The following HEATR1 variants were observed in gnomAD, a reference collection of about 807,000 sequenced individuals.
HEATR1 encodes HEAT repeat containing 1, also known as HEAT repeat-containing protein 1.
In HEATR1, 77 loss-of-function variants were observed where a neutral mutation model predicts 248.2. That is an observed-to-expected ratio of 0.31 (90% CI 0.26 to 0.37). The LOEUF (loss-of-function observed/expected upper bound fraction) is 0.37. HEATR1 is among the 10% of genes least tolerant of loss of function. The pLI, the probability that HEATR1 is intolerant of heterozygous loss-of-function variation, is 1.00. For missense variants in HEATR1, 2,420 were observed against 2,504.9 expected, an observed-to-expected ratio of 0.97 and a Z score of 0.72; for synonymous variants, 897 against 923.1, an observed-to-expected ratio of 0.97 and a Z score of 0.51.
At position 236,596,703 on chromosome 1, in the gene HEATR1, C is replaced by T; in HGVS notation, c.744+133G>A. The T allele has an allele frequency of 3.5e-6, 3 of 850,288 alleles. No individual in the cohort carries two copies. The South Asian group carries it at 5.8e-5, about 16-fold the overall frequency. The allele number at this position is 850,288 out of a possible 1,614,324, so 52.7% of individuals were successfully genotyped here. A position where few individuals can be genotyped will look rare whatever the true frequency, so the allele number is the denominator to read the frequency against. On this transcript the variant is annotated intron_variant, in intron 6 of 44. Transcript: ENST00000366582. ...AATAAAAAAGTGTCATATTTTCAAC[C>T]TAAAGGCTAAATCTCAGCTATCATC...
At chr1:236,568,765 G>A (rs1055232470) in intron 29 of HEATR1, among the ~76,000 whole-genome samples, 5 of 151,672 alleles carry the variant, frequency 3.3e-5, no homozygotes, top group African/African-American at 9.7e-5. Flanking sequence ...GCTATAACAC[G>A]TTTGTTTATA....
At chr1:236,574,100 A>G in intron 24 of HEATR1, 102 bp downstream of exon 24, 1 of 986,292 alleles carries the variant, frequency 1.0e-6, no homozygotes, top group Non-Finnish European at 1.4e-6. Context: ...GTAACATCTG[A>G]CCTCTTACAA....
At chr1:236,595,757 T>C (rs1664162016) in intron 7 of HEATR1, 76 bp downstream of exon 7, 2 of 1,506,058 alleles carry the variant, frequency 1.3e-6, no homozygotes, top group Non-Finnish European at 9.1e-7. Flanking sequence ...TAATCACTTA[T>C]CTTACAAAAA....
intron 12 of HEATR1, among the ~76,000 whole-genome samples, chr1:236,588,306 G>A (rs1197926623): frequency 6.6e-6 from 1 of 152,156 alleles, no homozygotes; most frequent in Admixed American, 6.5e-5. Flanking sequence ...AGTTTTTGTA[G>A]TTAAGGAGTT....
In HEATR1 at chr1:236,599,537, C is replaced by G. The variant is rs1216333595; in HGVS notation, c.447G>C (p.Gln149His). The G allele has an allele frequency of 6.2e-7, 1 of 1,613,720 alleles. No individual in the cohort carries two copies. Among genetic ancestry groups the G allele is most frequent in the Non-Finnish European group, 8.5e-7 (1 of 1,179,790 alleles). The change falls in exon 4 of 45, where the codon CAG (glutamine) becomes CAC (histidine). Residue 149 changes from glutamine (Q) to histidine (H), a missense_variant. Coordinates refer to ENST00000366582, the MANE Select transcript of HEATR1 (RefSeq NM_018072.6). ...HETRIFVRVI[Q>H]LLKINNSKHR... ...GCTTTGAATTATTAATTTTTAGAAGCTGTATGACTCGCACAAATATTCTTG... is the reference window on the plus strand; with the variant it reads ...GCTTTGAATTATTAATTTTTAGAAGGTGTATGACTCGCACAAATATTCTTG...
chr1:236,584,876 T>C, intron 17 of HEATR1, 149 bp downstream of exon 17: 1 of 586,962 alleles, frequency 1.7e-6, no homozygotes, highest in Non-Finnish European at 2.8e-6. Context: ...GTTGACTATC[T>C]CACTGCTACC....
At position 236,574,890 on chromosome 1, in the gene HEATR1, T is replaced by C; in HGVS notation, c.3098A>G (p.Gln1033Arg). 1.2e-6 allele frequency: 2 copies of C among 1,612,904 alleles called. No individual in the cohort carries two copies. Among genetic ancestry groups the C allele is most frequent in the Non-Finnish European group, 8.5e-7 (1 of 1,179,540 alleles). The change falls in exon 23 of 45, where the codon CAG becomes CGG. Residue 1033 changes from glutamine to arginine, a missense_variant. Physicochemically the swap from Gln to Arg is conservative, Grantham distance 43. Coordinates refer to ENST00000366582, the MANE Select transcript of HEATR1 (RefSeq NM_018072.6). ...QGVNGEMVLS[Q>R]LLPMAEQLLE... The stretch of plus-strand genomic sequence containing the variant: ...CAGTTGTTCAGCCATAGGCAATAGC[T>C]GAGAAAGCACCATCTAAAGATCCAA...
chr1:236,560,309 C>T (rs1246169102), intron 33 of HEATR1, among the ~76,000 whole-genome samples: 1 of 148,342 alleles, frequency 6.7e-6, no homozygotes, highest in Non-Finnish European at 1.5e-5. Flanking sequence ...AACATATAAC[C>T]CACTTCTTTC....
rs1663891176 is a variant in HEATR1, at chr1:236,586,550, T to C, written c.1716-98A>G. The C allele has an allele frequency of 2.3e-5, 17 of 734,990 alleles. 1 individual carries two copies. The South Asian group carries it at 3.0e-4, about 13-fold the overall frequency. The allele number at this position is 734,990 out of a possible 1,614,324, so 45.5% of individuals were successfully genotyped here. On this transcript the variant is annotated intron_variant, in intron 14 of 44. Coordinates refer to ENST00000366582, the MANE Select transcript of HEATR1 (RefSeq NM_018072.6). ...CATTACTCCAGCTTAACTGACAATA[T>C]CCTGGTCTCCTGACCAAAACTATTA...
At chr1:236,601,639 C>T (rs1042904635) in intron 3 of HEATR1, among the ~76,000 whole-genome samples, 2 of 150,202 alleles carry the variant, frequency 1.3e-5, no homozygotes, top group African/African-American at 4.9e-5. Flanking sequence ...GACACTGTCT[C>T]TACAAAAAAT....
chr1:236,557,334 G>C lies in HEATR1; in HGVS notation c.5216C>G (p.Ser1739Trp). 2 of 1,614,032 alleles carry C rather than the reference G, an allele frequency of 1.2e-6. No individual in the cohort carries two copies. Among genetic ancestry groups the C allele is most frequent in the South Asian group, 2.2e-5 (2 of 91,044 alleles). ...GGTGTTCTTCATTGTTGTCAGCAAC[G>C]ATGGCATCAGGCTAGAAACAAAGTA... The part of the protein sequence containing the change: ...AIPQLPSLMP[S>W]LLTTMKNTSE... Residue 1739 changes from serine (S) to tryptophan (W), a missense_variant, in exon 37 of 45, where the codon TCG becomes TGG. Coordinates refer to ENST00000366582, the MANE Select transcript of HEATR1 (RefSeq NM_018072.6).
In HEATR1 at chr1:236,555,901, A is replaced by G; in HGVS notation, c.5553T>C (p.His1851=). 1 of 1,613,640 alleles carries G rather than the reference A, an allele frequency of 6.2e-7. No homozygotes were observed. Among genetic ancestry groups the G allele is most frequent in the Non-Finnish European group, 8.5e-7 (1 of 1,179,508 alleles). Residue 1851 remains histidine, a synonymous_variant, in exon 39 of 45, where the codon CAT becomes CAC. Coordinates refer to ENST00000366582, the MANE Select transcript of HEATR1 (RefSeq NM_018072.6). ...GCTCTTCCTTCTTCATCACCCCAAT[A>G]TGCTCTTGCAAGATGCTCATAAACG... is the stretch of plus-strand genomic sequence containing the variant. ...MGPFMSILQE[H]IGVMKKEELT...
intron 37 of HEATR1, 74 bp downstream of exon 37, chr1:236,557,121 C>A: frequency 6.8e-7 from 1 of 1,473,696 alleles, no homozygotes; most frequent in Non-Finnish European, 9.1e-7. Context: ...AAAGAAAAAA[C>A]AAAATCACTA....
chr1:236,603,881 G>GAAAA, intron 2 of HEATR1, 73 bp downstream of exon 2: 6 of 1,301,088 alleles, frequency 4.6e-6, no homozygotes, highest in Non-Finnish European at 6.3e-6. Context: ...GAAAACAAGG[G>GAAAA]GAAAAAAAAA....
At chr1:236,572,295 G>T in intron 26 of HEATR1, 116 bp downstream of exon 26, 2 of 1,187,806 alleles carry the variant, frequency 1.7e-6, no homozygotes, top group Non-Finnish European at 2.4e-6. Flanking sequence ...TATAGTACTT[G>T]CTTTATTTTA....
rs750355129 is a variant in HEATR1, at chr1:236,572,706, A to G, written c.3563+19T>C. The G allele has an allele frequency of 9.6e-5, 155 of 1,609,726 alleles. No individual in the cohort carries two copies. Among genetic ancestry groups the G allele is most frequent in the Non-Finnish European group, 1.3e-4 (151 of 1,176,196 alleles). ...GTCAGGGAACAACAGCATGTGCTCAATGCATTTGTAGCTCTTACTTCTGCT... is the reference window on the plus strand; with the variant it reads ...GTCAGGGAACAACAGCATGTGCTCAGTGCATTTGTAGCTCTTACTTCTGCT... On this transcript the variant is annotated intron_variant, in intron 25 of 44. Transcript: ENST00000366582.
Position 236,558,285 on chromosome 1 carries a change from G to C in HEATR1, c.5156C>G (p.Ala1719Gly), listed in dbSNP as rs1426042385. The C allele has an allele frequency of 3.1e-6, 5 of 1,614,198 alleles. No individual in the cohort carries two copies. The South Asian group carries it at 5.5e-5, about 18-fold the overall frequency. ...NVLGSALLCIAEVTSTLEALA... is the reference protein window; with the variant it reads ...NVLGSALLCIGEVTSTLEALA... ...CGCCTCCAGGGTGGAGGTCACCTCTGCTATGCACAGCAGCGCGCTTCCCAG... is the reference window on the plus strand; with the variant it reads ...CGCCTCCAGGGTGGAGGTCACCTCTCCTATGCACAGCAGCGCGCTTCCCAG... The change falls in exon 36 of 45, where the codon GCA becomes GGA. Residue 1719 changes from alanine to glycine, a missense_variant. Ala to Gly is a moderately conservative substitution (Grantham distance 60, BLOSUM62 0). Coordinates refer to ENST00000366582, the MANE Select transcript of HEATR1 (RefSeq NM_018072.6).
Position 236,550,921 on chromosome 1 carries a change from G to A in HEATR1, c.6416C>T (p.Pro2139Leu). The change falls in exon 45 of 45, where the codon CCA (proline) becomes CTA (leucine). Residue 2139 changes from proline to leucine, a missense_variant. Pro to Leu is a moderately conservative substitution (Grantham distance 98). Transcript: ENST00000366582. ...AAAGTCTTAGAAATAGCTCTGGAGT[G>A]GCTCTCCCAGGACAGTTTCCAGTTG... is the stretch of plus-strand genomic sequence containing the variant. ...IQQLETVLGEPLQSYF is the reference protein window; with the variant it reads ...IQQLETVLGELLQSYF The A allele has an allele frequency of 1.9e-6, 3 of 1,606,850 alleles. No individual in the cohort carries two copies. Among genetic ancestry groups the A allele is most frequent in the South Asian group, 1.1e-5 (1 of 89,734 alleles).
At position 236,578,018 on chromosome 1, in the gene HEATR1, T is replaced by C. The variant is rs191180176; in HGVS notation, c.2756-1069A>G. 4.6e-5 allele frequency among the ~76,000 whole-genome samples: 7 copies of C among 152,346 alleles called. No homozygotes were observed. In the East Asian group the frequency reaches 1.3e-3, roughly 29 times the overall value. The stretch of plus-strand genomic sequence containing the variant: ...GGTGTGTTTTGATTTTACTTTTTGA[T>C]AGAGAAATGTTAGAGTCAAGTTTTT... On this transcript the variant is annotated intron_variant, in intron 20 of 44. Transcript: ENST00000366582.
Sources: gnomAD v4.1 joint callset for allele counts (sites outside exome capture counted in the v4.1 genomes callset) on GRCh38, gnomAD v4.1.1 for gene constraint, MANE v1.5 for transcripts, NCBI Gene and HGNC (gene_info 2026-07-23, HGNC 2026-07-21) for gene names.